The following PEAK1 variants were observed in gnomAD, a reference collection of about 807,000 sequenced individuals.
PEAK1 encodes inactive tyrosine-protein kinase PEAK1.
PEAK1 carries 54 observed loss-of-function variants against 124.7 expected under a neutral mutation model. The ratio of observed to expected loss-of-function variants is 0.43; its 90% CI spans 0.35 to 0.54. PEAK1 has a LOEUF of 0.54. Among genes scored for constraint, PEAK1 ranks in the 20% least tolerant of loss-of-function variants. PEAK1 has a pLI of 0.01. For missense variants in PEAK1, 2,046 were observed against 2,134.5 expected (o/e 0.96, Z 0.82); for synonymous variants, 719 against 760.0 (o/e 0.95, Z 0.89).
intron 6 of PEAK1, among the ~76,000 whole-genome samples, chr15:77,243,574 T>G (rs1445870192): frequency 1.3e-5 from 2 of 152,232 alleles, no homozygotes; most frequent in Non-Finnish European, 2.9e-5. Context: ...TGCTATGTGA[T>G]AGAAGGCCGA....
intron 7 of PEAK1, among the ~76,000 whole-genome samples, chr15:77,174,869 A>C (rs2056749346): frequency 6.6e-6 from 1 of 152,294 alleles, no homozygotes; most frequent in Admixed American, 6.5e-5. Context: ...AGGCTACAGT[A>C]ACCAAAACAG....
At position 77,234,821 on chromosome 15, in the gene PEAK1, A is replaced by T. The variant is rs113373923; in HGVS notation, c.-115+17546T>A. On this transcript the variant is annotated intron_variant, in intron 6 of 9. Transcript: ENST00000682557. ...CAGCTAATTAAAAAAAAATATATAT[A>T]TTTTTTTGAGACAGGGTCTTGCTCT... 2.0e-3 allele frequency among the ~76,000 whole-genome samples: 304 copies of T among 151,836 alleles called. 1 individual carries two copies. The highest frequency in any genetic ancestry group is 0.011 in the South Asian group (52 of 4,810).
At chr15:77,274,713 G>C (rs1823909225) in intron 5 of PEAK1, among the ~76,000 whole-genome samples, 1 of 152,052 alleles carries the variant, frequency 6.6e-6, no homozygotes, top group South Asian at 2.1e-4. Context: ...TACACTGCTG[G>C]TGGGAATATA....
At chr15:77,170,969 C>G (rs2056462493) in intron 7 of PEAK1, among the ~76,000 whole-genome samples, 1 of 152,128 alleles carries the variant, frequency 6.6e-6, no homozygotes, top group Non-Finnish European at 1.5e-5. Context: ...GATTAACCAC[C>G]AAATTAGTTT....
intron 2 of PEAK1, among the ~76,000 whole-genome samples, chr15:77,304,976 T>C (rs868185376): frequency 9.2e-5 from 14 of 151,758 alleles, no homozygotes; most frequent in African/African-American, 2.9e-4. Context: ...TGAGACCTCA[T>C]CTCTACAAAA....
At chr15:77,291,304 A>T (rs535533300) in intron 2 of PEAK1, among the ~76,000 whole-genome samples, 3 of 152,366 alleles carry the variant, frequency 2.0e-5, no homozygotes, top group African/African-American at 7.2e-5. Context: ...AGGTTAAAAA[A>T]TGCTTTTGAG....
intron 2 of PEAK1, among the ~76,000 whole-genome samples, chr15:77,361,266 A>G (rs555200277): frequency 2.1e-4 from 32 of 152,070 alleles, no homozygotes; most frequent in South Asian, 8.3e-4. Flanking sequence ...ACATAACTAG[A>G]CTCCATCTCC....
Position 77,241,480 on chromosome 15 carries a change from T to C in PEAK1, c.-115+10887A>G, listed in dbSNP as rs531997214. On this transcript the variant is annotated intron_variant, in intron 6 of 9. Coordinates refer to ENST00000682557, the MANE Select transcript of PEAK1 (RefSeq NM_001385026.1). ...ACGTATCCTGAAAGTTTTAGTGCAA[T>C]AGACAAGAAAAAGAAGTAAAAGGCA... Among the ~76,000 whole-genome samples the C allele has an allele frequency of 2.8e-4, 43 of 151,942 alleles. No homozygotes were observed. The South Asian group carries it at 2.9e-3, about 10-fold the overall frequency.
chr15:77,259,549 T>C (rs1194612952), intron 5 of PEAK1, among the ~76,000 whole-genome samples: 2 of 152,284 alleles, frequency 1.3e-5, no homozygotes, highest in Non-Finnish European at 2.9e-5. Context: ...AGGAAACAAT[T>C]TCTTGGGAGC....
At chr15:77,198,737 A>C (rs1413469727) in intron 6 of PEAK1, among the ~76,000 whole-genome samples, 1 of 152,228 alleles carries the variant, frequency 6.6e-6, no homozygotes, top group Non-Finnish European at 1.5e-5. Context: ...AACTTAAAGC[A>C]AAGGGAAAGT....
At position 77,221,796 on chromosome 15, in the gene PEAK1, T is replaced by C. The variant is rs79620392; in HGVS notation, c.-115+30571A>G. Reference sequence around the variant, plus strand: ...TTGGCTGCAAATAAAAATACTTCTGTGATAATCTGCAGGAATTTTGGGCCG... The same window carrying C: ...TTGGCTGCAAATAAAAATACTTCTGCGATAATCTGCAGGAATTTTGGGCCG... On this transcript the variant is annotated intron_variant, in intron 6 of 9. Transcript: ENST00000682557. Among the ~76,000 whole-genome samples the C allele has an allele frequency of 9.5e-3, 1,441 of 152,240 alleles. 7 individuals are homozygous for C. Among genetic ancestry groups the C allele is most frequent in the Non-Finnish European group, 0.015 (1,012 of 67,976 alleles).
In PEAK1 at chr15:77,230,445, C is replaced by T. The variant is rs535387320; in HGVS notation, c.-115+21922G>A. ...GAACTCCTGACTCAAGTGATCCACC[C>T]GCCTTGGCCTCTCAAAGTGCTGGGA... On this transcript the variant is annotated intron_variant, in intron 6 of 9. Coordinates refer to ENST00000682557, the MANE Select transcript of PEAK1 (RefSeq NM_001385026.1). Among the ~76,000 whole-genome samples the T allele has an allele frequency of 1.8e-3, 280 of 152,050 alleles. 1 individual carries two copies. The highest frequency in any genetic ancestry group is 4.0e-3 in the South Asian group (19 of 4,796).
intron 2 of PEAK1, among the ~76,000 whole-genome samples, chr15:77,288,787 G>C (rs541664255): frequency 6.6e-6 from 1 of 152,144 alleles, no homozygotes; most frequent in African/African-American, 2.4e-5. Flanking sequence ...AAATTAGCCG[G>C]GTGTGGTGGC....
At chr15:77,386,857 A>G (rs1453696126) in intron 1 of PEAK1, among the ~76,000 whole-genome samples, 1 of 152,220 alleles carries the variant, frequency 6.6e-6, no homozygotes, top group African/African-American at 2.4e-5. Flanking sequence ...ATTGACAGTC[A>G]TGCATAGCTG....
rs764771553 is a variant in PEAK1, at chr15:77,110,923, C to G, written c.*3233G>C. On this transcript the variant is annotated 3_prime_UTR_variant, in exon 10 of 10. Coordinates refer to ENST00000682557, the MANE Select transcript of PEAK1 (RefSeq NM_001385026.1). ...AGTTCTAGTCCTCTTTATGAAACAT[C>G]CACTGAATTGCTTCCAAGACTAGGT... is the stretch of plus-strand genomic sequence containing the variant. 1 of 152,236 alleles carries G rather than the reference C, an allele frequency of 6.6e-6. No homozygotes were observed. Among genetic ancestry groups the G allele is most frequent in the Non-Finnish European group, 1.5e-5 (1 of 68,048 alleles). The allele number at this position is 152,236 out of a possible 1,614,324, so 9.4% of individuals were successfully genotyped here. A position where few individuals can be genotyped will look rare whatever the true frequency, so the allele number is the denominator to read the frequency against.
At position 77,133,591 on chromosome 15, in the gene PEAK1, T is replaced by C. The variant is rs145305072; in HGVS notation, c.3491A>G (p.Asn1164Ser). 2,134 of 1,614,146 alleles carry C rather than the reference T, an allele frequency of 1.3e-3. 30 individuals carry two copies. The African/African-American group carries it at 0.025, about 19-fold the overall frequency. The change falls in exon 9 of 10, where the codon AAT becomes AGT. Residue 1164 changes from asparagine (N) to serine (S), a missense_variant. By Grantham distance (46) the Asn-to-Ser change is conservative. Coordinates refer to ENST00000682557, the MANE Select transcript of PEAK1 (RefSeq NM_001385026.1). This position sits in a 1 kb window ranked among gnomAD's most constrained non-coding sequence, Gnocchi z 4.2. The stretch of plus-strand genomic sequence containing the variant: ...GAGGTCCTTGGAGATTGGCTCTGTA[T>C]TGGCTCTTATGATCATCTTCTTTGG... ...PLPKKMIIRA[N>S]TEPISKDLQK...
rs1471278243 is a variant in PEAK1 at position 77,276,047 on chromosome 15, C to T, written c.-275+7836G>A. Among the ~76,000 whole-genome samples, 3 of 151,810 alleles carry T rather than the reference C, an allele frequency of 2.0e-5. No homozygotes were observed. The East Asian group carries it at 5.8e-4, about 29-fold the overall frequency. ...CTAAAAATAAAACAATAGAAATTTG[C>T]CAGTCTGAACAATAGGAAGAAAACA... On this transcript the variant is annotated intron_variant, in intron 5 of 9. Coordinates refer to ENST00000682557, the MANE Select transcript of PEAK1 (RefSeq NM_001385026.1).
In PEAK1 at chr15:77,181,989, T is replaced by C. The variant is rs1176105963; in HGVS notation, c.-63A>G. On this transcript the variant is annotated 5_prime_UTR_variant, in exon 7 of 10. Transcript: ENST00000682557. Reference sequence around the variant, plus strand: ...CAGTGCATGACAAAACTTTCATCTGTTAGTTTTCACTTCCCCTATGTGTTA... The same window carrying C: ...CAGTGCATGACAAAACTTTCATCTGCTAGTTTTCACTTCCCCTATGTGTTA... 2.0e-6 allele frequency: 3 copies of C among 1,505,752 alleles called. No homozygotes were observed. Among genetic ancestry groups the C allele is most frequent in the Non-Finnish European group, 2.6e-6 (3 of 1,132,128 alleles). The allele number at this position is 1,505,752 out of a possible 1,614,324, so 93.3% of individuals were successfully genotyped here.
intron 6 of PEAK1, among the ~76,000 whole-genome samples, chr15:77,191,922 G>A (rs910391259): frequency 1.3e-5 from 2 of 152,130 alleles, no homozygotes; most frequent in African/African-American, 4.8e-5. Context: ...AGATGACCCT[G>A]TGGTCTGTAT....
Sources: gnomAD v4.1 joint callset for allele counts (sites outside exome capture counted in the v4.1 genomes callset) on GRCh38, gnomAD v4.1.1 for gene constraint, Gnocchi (gnomAD v3.1) non-coding constraint, MANE v1.5 for transcripts, NCBI Gene and HGNC (gene_info 2026-07-23, HGNC 2026-07-21) for gene names.